SYT16: variants seen among roughly 807,000 people sequenced by gnomAD.
The protein encoded by SYT16 is synaptotagmin-16.
Under a neutral mutation model 61.4 loss-of-function variants are expected in SYT16, and 42 were observed. The ratio of observed to expected loss-of-function variants is 0.68; its 90% CI spans 0.53 to 0.89. The LOEUF is 0.89. SYT16 is among the 40% of genes least tolerant of loss of function. The pLI is 0.00. For missense variants in SYT16, 804 were observed against 807.3 expected (o/e 1.00, Z 0.05); for synonymous variants, 314 against 302.3 (o/e 1.04, Z -0.40).
chr14:61,894,013 G>A (rs2048232946), intron 1 of SYT16, among the ~76,000 whole-genome samples: 1 of 152,228 alleles, frequency 6.6e-6, no homozygotes, highest in Non-Finnish European at 1.5e-5. Flanking sequence ...GGCTGGCATG[G>A]TGGCTCATGC....
intron 3 of SYT16, among the ~76,000 whole-genome samples, chr14:62,001,681 A>G (rs984393349): frequency 2.0e-5 from 3 of 151,870 alleles, no homozygotes; most frequent in African/African-American, 7.3e-5. Flanking sequence ...TATTTATTCT[A>G]CCCCATTCTC....
chr14:62,092,102 T>C (rs2057098156), intron 7 of SYT16, among the ~76,000 whole-genome samples: 1 of 149,302 alleles, frequency 6.7e-6, no homozygotes. Context: ...ATGCTCAAAA[T>C]CAATCATCAG....
intron 3 of SYT16, among the ~76,000 whole-genome samples, chr14:62,043,970 G>T (rs929364490): frequency 1.3e-5 from 2 of 152,080 alleles, no homozygotes; most frequent in African/African-American, 4.8e-5. Context: ...ACCATGCCTG[G>T]CCTATGCTAT....
chr14:61,826,197 C>T (rs991415762), intron 1 of SYT16, among the ~76,000 whole-genome samples: 1 of 151,992 alleles, frequency 6.6e-6, no homozygotes, highest in African/African-American at 2.4e-5. Context: ...CATCCCATCT[C>T]AGGGCACTCA....
chr14:62,081,206 C>G lies in SYT16; in HGVS notation c.1366C>G (p.Leu456Val). The G allele has an allele frequency of 1.2e-6, 2 of 1,613,978 alleles. No homozygotes were observed. Among genetic ancestry groups the G allele is most frequent in the South Asian group, 2.2e-5 (2 of 91,068 alleles). The change falls in exon 6 of 8, where the codon CTC (leucine) becomes GTC (valine). Residue 456 changes from leucine to valine, a missense_variant. Coordinates refer to ENST00000683842, the MANE Select transcript of SYT16 (RefSeq NM_001367656.1). ...ERMMGEKLFY[L>V]SHLHPEGEMK... Reference sequence around the variant, plus strand: ...AATGATGGGAGAGAAACTATTCTATCTCAGCCACCTGCACCCAGAAGGGGA... The same window carrying G: ...AATGATGGGAGAGAAACTATTCTATGTCAGCCACCTGCACCCAGAAGGGGA...
At chr14:61,928,265 A>T (rs1487400042) in intron 1 of SYT16, among the ~76,000 whole-genome samples, 1 of 152,066 alleles carries the variant, frequency 6.6e-6, no homozygotes, top group African/African-American at 2.4e-5. Context: ...AGTGGAATTG[A>T]TTTGCTTTGT....
At chr14:62,049,776 C>CT (rs765555269) in intron 3 of SYT16, among the ~76,000 whole-genome samples, 1 of 152,148 alleles carries the variant, frequency 6.6e-6, no homozygotes, top group South Asian at 2.1e-4. Context: ...GTTGAAAATT[C>CT]TTTAAGAATG....
intron 2 of SYT16, among the ~76,000 whole-genome samples, chr14:61,994,917 T>C (rs1359165636): frequency 1.3e-5 from 2 of 152,182 alleles, no homozygotes; most frequent in African/African-American, 2.4e-5. Context: ...GGATAGCTAG[T>C]AGATTTAGTT....
intron 1 of SYT16, among the ~76,000 whole-genome samples, chr14:61,938,142 T>C (rs758488569): frequency 4.6e-5 from 7 of 151,852 alleles, no homozygotes; most frequent in African/African-American, 7.3e-5. Flanking sequence ...TACCGAAGGA[T>C]AAAGAACTTT....
At chr14:61,826,904 G>A (rs1427105162) in intron 1 of SYT16, among the ~76,000 whole-genome samples, 1 of 151,944 alleles carries the variant, frequency 6.6e-6, no homozygotes, top group Non-Finnish European at 1.5e-5. Context: ...GCTTGCCGGT[G>A]GCACCTTCTT....
intron 1 of SYT16, among the ~76,000 whole-genome samples, chr14:61,845,983 T>C (rs2046436737): frequency 1.3e-5 from 2 of 152,240 alleles, no homozygotes; most frequent in Non-Finnish European, 2.9e-5. Flanking sequence ...ATTTGTATCG[T>C]TTCCAAATTC....
chr14:61,901,166 C>T (rs971093793), intron 1 of SYT16, among the ~76,000 whole-genome samples: 1 of 152,200 alleles, frequency 6.6e-6, no homozygotes, highest in African/African-American at 2.4e-5. Flanking sequence ...ACTATCTGCT[C>T]TAATACCAGT....
At chr14:61,893,927 C>T (rs771591852) in intron 1 of SYT16, among the ~76,000 whole-genome samples, 1 of 152,150 alleles carries the variant, frequency 6.6e-6, no homozygotes, top group Non-Finnish European at 1.5e-5. Context: ...AATCTTGTTA[C>T]CTCAACACAT....
At chr14:62,091,609 T>C (rs961716531) in intron 7 of SYT16, among the ~76,000 whole-genome samples, 2 of 152,172 alleles carry the variant, frequency 1.3e-5, no homozygotes, top group Non-Finnish European at 2.9e-5. Flanking sequence ...GGGAAAAGGA[T>C]AGTCTATTCA....
intron 1 of SYT16, among the ~76,000 whole-genome samples, chr14:61,955,180 A>G (rs1295840039): frequency 6.6e-6 from 1 of 152,112 alleles, no homozygotes; most frequent in Admixed American, 6.6e-5. Flanking sequence ...GTGTTTGCAG[A>G]TAAGTATGTA....
intron 3 of SYT16, among the ~76,000 whole-genome samples, chr14:62,059,777 T>C (rs866548104): frequency 5.2e-4 from 77 of 146,754 alleles, no homozygotes; most frequent in Non-Finnish European, 7.5e-4. Flanking sequence ...TGTATACACA[T>C]ACACACACAC....
chr14:61,845,039 C>CTTTTTTTTTTTTT (rs35131511), intron 1 of SYT16, among the ~76,000 whole-genome samples: 2 of 97,620 alleles, frequency 2.0e-5, no homozygotes, highest in African/African-American at 9.5e-5. Flanking sequence ...TACTAGAAGA[C>CTTTTTTTTTTTTT]TTTTTTTTTT....
At chr14:62,060,821 G>A (rs2140917430) in intron 3 of SYT16, among the ~76,000 whole-genome samples, 1 of 151,966 alleles carries the variant, frequency 6.6e-6, no homozygotes, top group African/African-American at 2.4e-5. Flanking sequence ...TTTATATTAG[G>A]ATTATGCTGG....
chr14:62,082,326 G>A (rs556801876), intron 6 of SYT16, among the ~76,000 whole-genome samples: 1 of 152,120 alleles, frequency 6.6e-6, no homozygotes, highest in Non-Finnish European at 1.5e-5. Context: ...ACGTCTTCAG[G>A]CCTGAAATCC....
Sources: gnomAD v4.1 joint callset for allele counts (sites outside exome capture counted in the v4.1 genomes callset) on GRCh38, gnomAD v4.1.1 for gene constraint, MANE v1.5 for transcripts, NCBI Gene and HGNC (gene_info 2026-07-23, HGNC 2026-07-21) for gene names.